The following CNTN5 variants were observed in gnomAD, a reference collection of about 807,000 sequenced individuals.
CNTN5 encodes the protein contactin 5, also known as contactin-5.
Under a neutral mutation model 129.1 loss-of-function variants are expected in CNTN5, and 77 were observed. The observed-to-expected ratio is 0.60, with a 90% CI of 0.50 to 0.72. The LOEUF (loss-of-function observed/expected upper bound fraction) is 0.72, where lower values mean the gene tolerates loss of function less well. Among genes scored for constraint, CNTN5 ranks in the 30% least tolerant of loss-of-function variants. The pLI is 0.00. For missense variants in CNTN5, 1,478 were observed against 1,328.8 expected, an observed-to-expected ratio of 1.11 and a Z score of -1.75; for synonymous variants, 509 against 465.6, an observed-to-expected ratio of 1.09 and a Z score of -1.20.
chr11:100,295,443 T>C (rs1342905542), intron 18 of CNTN5, among the ~76,000 whole-genome samples: 2 of 151,526 alleles, frequency 1.3e-5, no homozygotes. Context: ...TTCACTTGTT[T>C]TTTTTTAATT....
chr11:99,558,917 G>C (rs971965342), intron 3 of CNTN5, among the ~76,000 whole-genome samples: 3 of 151,936 alleles, frequency 2.0e-5, no homozygotes, highest in Non-Finnish European at 4.4e-5. Context: ...CTTTTTTGCT[G>C]TAGATATCTG....
intron 13 of CNTN5, among the ~76,000 whole-genome samples, chr11:100,180,725 G>T (rs764482603): frequency 1.3e-5 from 2 of 151,750 alleles, no homozygotes; most frequent in Admixed American, 1.3e-4. Context: ...TTCAAATCAC[G>T]TACCCAACAA....
chr11:99,647,057 G>T (rs1951991641), intron 3 of CNTN5, among the ~76,000 whole-genome samples: 1 of 151,210 alleles, frequency 6.6e-6, no homozygotes, highest in African/African-American at 2.4e-5. Flanking sequence ...GTTTGTTTCT[G>T]CTTTTATTGT....
chr11:99,637,769 CTACTTAT>C (rs1266984369), intron 3 of CNTN5, among the ~76,000 whole-genome samples: 6 of 151,448 alleles, frequency 4.0e-5, no homozygotes, highest in South Asian at 4.2e-4. Flanking sequence ...CTATTTGTCT[CTACTTAT>C]TACTTATATA....
chr11:99,828,592 A>AC (rs1359432310), intron 4 of CNTN5, among the ~76,000 whole-genome samples: 1 of 152,224 alleles, frequency 6.6e-6, no homozygotes, highest in African/African-American at 2.4e-5. Context: ...CATAGCCGAT[A>AC]CCCTATGCTA....
intron 3 of CNTN5, among the ~76,000 whole-genome samples, chr11:99,759,035 C>T (rs1591111119): frequency 1.3e-5 from 2 of 152,088 alleles, no homozygotes; most frequent in African/African-American, 4.8e-5. Flanking sequence ...TACTAGCTTT[C>T]TATTTTAAGT....
intron 1 of CNTN5, among the ~76,000 whole-genome samples, chr11:99,110,701 C>G (rs541623724): frequency 6.6e-6 from 1 of 152,226 alleles, no homozygotes; most frequent in South Asian, 2.1e-4. Context: ...TGGTGTTTCT[C>G]ATTACTGAAG....
intron 10 of CNTN5, among the ~76,000 whole-genome samples, chr11:100,063,888 T>C (rs1295550708): frequency 6.6e-6 from 1 of 151,944 alleles, no homozygotes; most frequent in African/African-American, 2.4e-5. Flanking sequence ...TAAAAAATAT[T>C]ACAAATAAAA....
At chr11:99,357,961 G>A (rs1355523513) in intron 2 of CNTN5, among the ~76,000 whole-genome samples, 1 of 149,866 alleles carries the variant, frequency 6.7e-6, no homozygotes, top group Non-Finnish European at 1.5e-5. Flanking sequence ...CCGAGGTCGC[G>A]CCACTGCACT....
chr11:99,551,281 G>A (rs909357127), intron 2 of CNTN5, among the ~76,000 whole-genome samples: 2 of 152,198 alleles, frequency 1.3e-5, no homozygotes, highest in African/African-American at 4.8e-5. Flanking sequence ...AATATTAGAT[G>A]GCAAACATTT....
intron 3 of CNTN5, among the ~76,000 whole-genome samples, chr11:99,661,995 G>GT (rs1022982093): frequency 2.6e-5 from 4 of 151,988 alleles, no homozygotes; most frequent in East Asian, 1.9e-4. Flanking sequence ...TGTTTACATG[G>GT]TTTTTTTCTA....
At chr11:100,117,062 C>A (rs1354432665) in intron 13 of CNTN5, among the ~76,000 whole-genome samples, 2 of 151,830 alleles carry the variant, frequency 1.3e-5, no homozygotes, top group Admixed American at 1.3e-4. Flanking sequence ...GACTTGTATT[C>A]AGTTAAAAAA....
chr11:99,883,561 G>C (rs1948825064), intron 6 of CNTN5, among the ~76,000 whole-genome samples: 3 of 152,190 alleles, frequency 2.0e-5, no homozygotes, highest in African/African-American at 7.2e-5. Flanking sequence ...CATGCTCATG[G>C]TGTTTACTGG....
At chr11:99,151,687 A>G (rs1860064983) in intron 1 of CNTN5, among the ~76,000 whole-genome samples, 1 of 152,196 alleles carries the variant, frequency 6.6e-6, no homozygotes. Context: ...GATAAAGAAA[A>G]TGTGGCACAT....
chr11:99,039,629 A>T (rs1429281937), intron 1 of CNTN5, among the ~76,000 whole-genome samples: 1 of 152,162 alleles, frequency 6.6e-6, no homozygotes, highest in Non-Finnish European at 1.5e-5. Context: ...GAGTCACACA[A>T]TTAAAATTAC....
chr11:99,543,627 T>C lies in CNTN5; in HGVS notation c.-70-12518T>C, dbSNP rs182415962. Among the ~76,000 whole-genome samples the C allele has an allele frequency of 3.9e-4, 60 of 152,098 alleles. 2 individuals are homozygous for C. The highest frequency in any genetic ancestry group is 1.3e-3 in the African/African-American group (55 of 41,520). On this transcript the variant is annotated intron_variant, in intron 2 of 24. Transcript: ENST00000524871. ...GTTATTGTTGCTTTATTAGATATAA[T>C]AGAAATTAGGCCGGGTGCGGTGGCT... is the stretch of plus-strand genomic sequence containing the variant.
chr11:100,166,704 G>A lies in CNTN5; in HGVS notation c.1581-24422G>A, dbSNP rs375518081. 4.0e-5 allele frequency among the ~76,000 whole-genome samples: 6 copies of A among 151,772 alleles called. No individual in the cohort carries two copies. The East Asian group carries it at 9.8e-4, about 25-fold the overall frequency. ...ATATCTAAAGCAGAATAGGCACAAA[G>A]GAAAGTAGTTACTAGCTTTGTGTTA... On this transcript the variant is annotated intron_variant, in intron 13 of 24. Transcript: ENST00000524871.
chr11:99,309,557 G>T (rs544260415), intron 1 of CNTN5, among the ~76,000 whole-genome samples: 17 of 152,292 alleles, frequency 1.1e-4, no homozygotes, highest in African/African-American at 3.9e-4. Flanking sequence ...TCCAGAAATT[G>T]TCCAAGGATC....
chr11:99,041,948 G>A (rs1390402370), intron 1 of CNTN5, among the ~76,000 whole-genome samples: 1 of 152,128 alleles, frequency 6.6e-6, no homozygotes, highest in Non-Finnish European at 1.5e-5. Context: ...CTTTGCACCT[G>A]TTGCTCCATT....
Sources: allele counts gnomAD v4.1 joint callset (sites outside exome capture counted in the v4.1 genomes callset), GRCh38; gene constraint gnomAD v4.1.1; transcripts MANE v1.5; gene names NCBI Gene and HGNC (gene_info 2026-07-23, HGNC 2026-07-21).